The following PARD3 variants were observed in gnomAD, a reference collection of about 807,000 sequenced individuals.
PARD3 encodes the protein par-3 family cell polarity regulator.
PARD3 carries 75 observed loss-of-function variants against 155.4 expected under a neutral mutation model. The observed-to-expected ratio is 0.48, with a 90% confidence interval of 0.40 to 0.58. The LOEUF is 0.58. Among genes scored for constraint, PARD3 ranks in the 20% least tolerant of loss-of-function variants. The pLI is 0.00. For missense variants in PARD3, 1,642 were observed against 1,721.7 expected (o/e 0.95, Z 0.82); for synonymous variants, 576 against 610.5 (o/e 0.94, Z 0.83).
chr10:34,284,105 A>C (rs773715387), intron 21 of PARD3, 30 bp downstream of exon 21: 1 of 1,199,406 alleles, frequency 8.3e-7, no homozygotes, highest in Admixed American at 2.1e-5. Context: ...CCTCTTTCTA[A>C]GGAGGTTTAA....
chr10:34,622,597 T>C (rs1590270652), intron 2 of PARD3, among the ~76,000 whole-genome samples: 1 of 152,194 alleles, frequency 6.6e-6, no homozygotes, highest in African/African-American at 2.4e-5. Context: ...GATTATCAAT[T>C]CCAGTTAGGC....
intron 3 of PARD3, among the ~76,000 whole-genome samples, chr10:34,483,711 A>T (rs565231380): frequency 4.9e-4 from 75 of 152,300 alleles, no homozygotes; most frequent in Non-Finnish European, 8.8e-4. Context: ...CAGTGCCCGG[A>T]AAACTAAATA....
At chr10:34,278,861 C>A (rs1447666314) in intron 21 of PARD3, among the ~76,000 whole-genome samples, 4 of 152,148 alleles carry the variant, frequency 2.6e-5, no homozygotes, top group Non-Finnish European at 5.9e-5. Flanking sequence ...CTTATACTGA[C>A]TAATAAAACA....
chr10:34,442,856 G>A (rs962113751), intron 5 of PARD3, among the ~76,000 whole-genome samples: 2 of 152,148 alleles, frequency 1.3e-5, no homozygotes, highest in Non-Finnish European at 2.9e-5. Context: ...GGGCAACAGA[G>A]CAAGAACCCA....
At chr10:34,556,388 T>C (rs1339443595) in intron 2 of PARD3, among the ~76,000 whole-genome samples, 2 of 148,454 alleles carry the variant, frequency 1.3e-5, no homozygotes, top group South Asian at 2.1e-4. Flanking sequence ...CTTCTTTCTT[T>C]TTTTTTTTTT....
At chr10:34,788,876 A>G (rs1047775664) in intron 1 of PARD3, among the ~76,000 whole-genome samples, 1 of 151,868 alleles carries the variant, frequency 6.6e-6, no homozygotes, top group Admixed American at 6.6e-5. Context: ...GGCAGAGAGC[A>G]CTCTCCCATG....
chr10:34,271,652 T>C (rs1955615512), intron 21 of PARD3, among the ~76,000 whole-genome samples: 1 of 152,218 alleles, frequency 6.6e-6, no homozygotes, highest in African/African-American at 2.4e-5. Flanking sequence ...TGTGTGCTCC[T>C]ACCACTGTAA....
intron 5 of PARD3, among the ~76,000 whole-genome samples, chr10:34,416,018 TTC>T (rs1845639568): frequency 6.6e-6 from 1 of 152,176 alleles, no homozygotes; most frequent in Non-Finnish European, 1.5e-5. Flanking sequence ...GCTGTTCCTA[TTC>T]TAGGAATAGA....
At chr10:34,608,274 G>A (rs765695082) in intron 2 of PARD3, among the ~76,000 whole-genome samples, 2 of 152,126 alleles carry the variant, frequency 1.3e-5, no homozygotes, top group Admixed American at 1.3e-4. Context: ...TTTCTGCCTC[G>A]CTCTTCCACA....
intron 2 of PARD3, among the ~76,000 whole-genome samples, chr10:34,597,425 T>C (rs188002975): frequency 1.4e-4 from 21 of 151,736 alleles, no homozygotes; most frequent in African/African-American, 3.6e-4. Context: ...TTTTTATTTA[T>C]TTACTATTAT....
intron 2 of PARD3, among the ~76,000 whole-genome samples, chr10:34,671,763 G>A (rs1369619052): frequency 6.6e-6 from 1 of 152,150 alleles, no homozygotes; most frequent in Non-Finnish European, 1.5e-5. Flanking sequence ...AGCATTAACT[G>A]TACAATCTGT....
chr10:34,669,231 TAGATA>T (rs1478047163), intron 2 of PARD3, among the ~76,000 whole-genome samples: 1 of 152,102 alleles, frequency 6.6e-6, no homozygotes, highest in Non-Finnish European at 1.5e-5. Context: ...AACAGATGAC[TAGATA>T]AAAGAAAATG....
intron 1 of PARD3, among the ~76,000 whole-genome samples, chr10:34,697,770 C>CACACACA (rs2094202178): frequency 6.8e-6 from 1 of 146,442 alleles, no homozygotes; most frequent in Non-Finnish European, 1.5e-5. Context: ...AAAACAAACA[C>CACACACA]TCACACACAC....
intron 1 of PARD3, among the ~76,000 whole-genome samples, chr10:34,810,923 C>G (rs1255476848): frequency 6.6e-6 from 1 of 151,988 alleles, no homozygotes; most frequent in Non-Finnish European, 1.5e-5. Context: ...GTCACCAAAC[C>G]CAATACAAAG....
intron 1 of PARD3, among the ~76,000 whole-genome samples, chr10:34,705,792 A>G (rs918247900): frequency 2.6e-5 from 4 of 152,150 alleles, no homozygotes; most frequent in Non-Finnish European, 4.4e-5. Flanking sequence ...GCAAACCACA[A>G]ACCTGCTGCC....
At chr10:34,569,449 G>A (rs534714053) in intron 2 of PARD3, among the ~76,000 whole-genome samples, 2 of 152,150 alleles carry the variant, frequency 1.3e-5, no homozygotes, top group South Asian at 4.1e-4. Context: ...ACAGAGTCTT[G>A]CTCTGTTGCC....
At chr10:34,238,932 A>G (rs1322603759) in intron 22 of PARD3, among the ~76,000 whole-genome samples, 1 of 152,220 alleles carries the variant, frequency 6.6e-6, no homozygotes, top group African/African-American at 2.4e-5. Flanking sequence ...ATAGAAATTT[A>G]ACACTGACAT....
At chr10:34,442,518 C>T (rs569480166) in intron 5 of PARD3, among the ~76,000 whole-genome samples, 7 of 152,256 alleles carry the variant, frequency 4.6e-5, no homozygotes, top group African/African-American at 1.7e-4. Flanking sequence ...GGCGAGGCTA[C>T]GCATTCGAGG....
chr10:34,565,172 A>C (rs2085819449), intron 2 of PARD3, among the ~76,000 whole-genome samples: 1 of 150,418 alleles, frequency 6.6e-6, no homozygotes, highest in African/African-American at 2.4e-5. Flanking sequence ...ATACTTCATC[A>C]TGAAAGCTAG....
Sources: gnomAD v4.1 joint callset for allele counts (sites outside exome capture counted in the v4.1 genomes callset) on GRCh38, gnomAD v4.1.1 for gene constraint, MANE v1.5 for transcripts, NCBI Gene and HGNC (gene_info 2026-07-23, HGNC 2026-07-21) for gene names.